The following NAV1 variants were observed in gnomAD, a reference collection of about 807,000 sequenced individuals.
The protein encoded by NAV1 is pore membrane and/or filament interacting like protein 3.
A neutral mutation model predicts 175.2 loss-of-function variants in NAV1; 18 were observed. The ratio of observed to expected loss-of-function variants is 0.10; its 90% CI spans 0.07 to 0.15. NAV1 has a LOEUF of 0.15. NAV1 is among the 10% of genes least tolerant of loss of function. The pLI is 1.00. For missense variants in NAV1, 1,731 were observed against 2,436.6 expected, an observed-to-expected ratio of 0.71 and a Z score of 6.10; for synonymous variants, 897 against 978.7, an observed-to-expected ratio of 0.92 and a Z score of 1.56.
chr1:201,583,715 C>T (rs1469148555), intron 1 of NAV1, among the ~76,000 whole-genome samples: 1 of 152,218 alleles, frequency 6.6e-6, no homozygotes, highest in Non-Finnish European at 1.5e-5. Flanking sequence ...GTTGAAGTTG[C>T]CAGCTCCCTG....
chr1:201,665,019 C>T (rs1669757306), intron 1 of NAV1, among the ~76,000 whole-genome samples: 1 of 152,204 alleles, frequency 6.6e-6, no homozygotes, highest in Admixed American at 6.5e-5. Context: ...TAGTTCCTCT[C>T]TAAACACCGC....
chr1:201,642,167 C>CCGTCCTTCCTTCCTT (rs1668780257), intron 2 of NAV1, among the ~76,000 whole-genome samples: 1 of 116,508 alleles, frequency 8.6e-6, no homozygotes, highest in African/African-American at 3.6e-5. Context: ...TCTCTCCCCT[C>CCGTCCTTCCTTCCTT]CCTTCCTTCC....
At position 201,812,756 on chromosome 1, in the gene NAV1, C is replaced by T. The variant is rs931216064; in HGVS notation, c.5221+95C>T. 3.5e-5 allele frequency: 41 copies of T among 1,186,032 alleles called. No individual in the cohort carries two copies. The highest frequency in any genetic ancestry group is 1.8e-4 in the African/African-American group (12 of 65,774). 73.5% of individuals were successfully genotyped at this position (1,186,032 alleles called of 1,614,324 possible). A position where few individuals can be genotyped will look rare whatever the true frequency, so the allele number is the denominator to read the frequency against. On this transcript the variant is annotated intron_variant, in intron 27 of 29. Transcript: ENST00000367296. The surrounding 1 kb of genome is among the most constrained non-coding windows in gnomAD (Gnocchi z 4.6). ...TGCTCCCTTCTCTTCCTGGAGTCTT[C>T]GGCATGTAAAGGAGCTGCAAGCCTT... is the stretch of plus-strand genomic sequence containing the variant.
chr1:201,604,250 C>G (rs1667605950), intron 2 of NAV1, among the ~76,000 whole-genome samples: 1 of 152,100 alleles, frequency 6.6e-6, no homozygotes. Context: ...AGGTGGTGAT[C>G]TTGTTATGTT....
chr1:201,641,409 G>A (rs770473668), intron 2 of NAV1, among the ~76,000 whole-genome samples: 7 of 152,148 alleles, frequency 4.6e-5, no homozygotes, highest in African/African-American at 7.2e-5. Flanking sequence ...GCCAGGTCAT[G>A]TCACTCTCTG....
upstream of NAV1, among the ~76,000 whole-genome samples, chr1:201,620,002 T>G (rs1668112808): frequency 6.6e-6 from 1 of 152,230 alleles, no homozygotes; most frequent in South Asian, 2.1e-4. Flanking sequence ...TAGAATAATT[T>G]CTTGTGGAAA....
intron 2 of NAV1, among the ~76,000 whole-genome samples, chr1:201,589,674 T>C (rs944400593): frequency 2.0e-5 from 3 of 152,138 alleles, no homozygotes; most frequent in African/African-American, 7.2e-5. Flanking sequence ...GTATTTTTAG[T>C]AGAGACAGAG....
intron 3 of NAV1, among the ~76,000 whole-genome samples, chr1:201,763,375 G>C (rs1263163203): frequency 6.6e-5 from 10 of 152,136 alleles, no homozygotes; most frequent in Non-Finnish European, 1.3e-4. Flanking sequence ...TGGTATCCCT[G>C]AGAATTTTTT....
At chr1:201,587,867 C>A (rs1667079583) in intron 1 of NAV1, among the ~76,000 whole-genome samples, 2 of 152,108 alleles carry the variant, frequency 1.3e-5, no homozygotes, top group South Asian at 2.1e-4. Context: ...CATGAGATAC[C>A]ACTTCCCCAC....
intron 3 of NAV1, among the ~76,000 whole-genome samples, chr1:201,759,682 T>G (rs533928913): frequency 2.0e-5 from 3 of 152,340 alleles, no homozygotes; most frequent in African/African-American, 7.2e-5. Context: ...GCCTGATGAT[T>G]AAGTGAACAG....
chr1:201,656,085 G>A (rs752042520), intron 1 of NAV1, among the ~76,000 whole-genome samples: 29 of 152,330 alleles, frequency 1.9e-4, no homozygotes, highest in South Asian at 8.3e-4. Flanking sequence ...TGTATGTTGC[G>A]TGTTTGACAC....
intron 1 of NAV1, among the ~76,000 whole-genome samples, chr1:201,554,659 G>C (rs1665959604): frequency 6.6e-6 from 1 of 152,222 alleles, no homozygotes; most frequent in Non-Finnish European, 1.5e-5. Context: ...TTTTGGAAGA[G>C]CACTGGACTG....
chr1:201,821,397 T>G (rs1004123117), exon 30 of NAV1: 1 of 152,612 alleles, frequency 6.6e-6, no homozygotes, highest in African/African-American at 2.4e-5. Flanking sequence ...ATCCTACCTT[T>G]GCAGATTTGC....
intron 2 of NAV1, among the ~76,000 whole-genome samples, chr1:201,591,022 C>G (rs1444883914): frequency 3.3e-5 from 5 of 152,102 alleles, no homozygotes; most frequent in Non-Finnish European, 7.3e-5. Context: ...TCTTCATGGC[C>G]CCTCTCTCCA....
At chr1:201,724,640 A>G (rs896781920) in intron 3 of NAV1, 1 of 152,674 alleles carries the variant, frequency 6.5e-6, no homozygotes, top group African/African-American at 2.4e-5. Context: ...CCTGAAACCT[A>G]TGCCAAGGGC....
At chr1:201,545,209 A>G (rs1053146631) in intron 1 of NAV1, among the ~76,000 whole-genome samples, 1 of 151,976 alleles carries the variant, frequency 6.6e-6, no homozygotes, top group Admixed American at 6.6e-5. Flanking sequence ...ACAACCCCAC[A>G]CCTGCATAGA....
Position 201,782,836 on chromosome 1 carries a change from C to T in NAV1, c.2324C>T (p.Thr775Ile), listed in dbSNP as rs2102713092. The stretch of plus-strand genomic sequence containing the variant: ...AACCAAGCAAGCCACCCCACAGCCA[C>T]CAAGCTGGCAGAGCTGCCACCAACC... Residue 775 changes from threonine (T) to isoleucine (I), a missense_variant, in exon 6 of 30, where the codon ACC (threonine) becomes ATC (isoleucine). Thr to Ile is a moderately conservative substitution (Grantham distance 89). Transcript: ENST00000367296. The surrounding 1 kb of genome is among the most constrained non-coding windows in gnomAD (Gnocchi z 5.4). The T allele has an allele frequency of 9.4e-6, 15 of 1,595,980 alleles. No homozygotes were observed. Among genetic ancestry groups the T allele is most frequent in the Non-Finnish European group, 1.3e-5 (15 of 1,169,190 alleles).
chr1:201,605,395 C>T (rs1667646916), intron 2 of NAV1, among the ~76,000 whole-genome samples: 1 of 151,976 alleles, frequency 6.6e-6, no homozygotes, highest in Non-Finnish European at 1.5e-5. Flanking sequence ...GTGATGAGAC[C>T]CTTTATTTTA....
chr1:201,729,635 G>A (rs976404004), intron 3 of NAV1, among the ~76,000 whole-genome samples: 6 of 150,582 alleles, frequency 4.0e-5, no homozygotes, highest in Admixed American at 1.3e-4. Flanking sequence ...GGCCAGGTGC[G>A]GTGGCTCACA....
Sources: gnomAD v4.1 joint callset for allele counts (sites outside exome capture counted in the v4.1 genomes callset) on GRCh38, gnomAD v4.1.1 for gene constraint, Gnocchi (gnomAD v3.1) non-coding constraint, MANE v1.5 for transcripts, NCBI Gene and HGNC (gene_info 2026-07-23, HGNC 2026-07-21) for gene names.